XXYLT1: variants seen among roughly 807,000 people sequenced by gnomAD.
The protein encoded by XXYLT1 is UDP-xylose:alpha-xyloside alpha-1,3-xylosyltransferase.
A neutral mutation model predicts 28.9 loss-of-function variants in XXYLT1; 20 were observed. The observed-to-expected ratio is 0.69, with a 90% CI of 0.49 to 1.00. The LOEUF (loss-of-function observed/expected upper bound fraction) is 1.00, where lower values mean the gene tolerates loss of function less well. Ranked by LOEUF, XXYLT1 falls within the 50% of genes least tolerant of loss-of-function variation. The probability of loss-of-function intolerance (pLI) is 0.00; values close to 1 mark genes in which losing one functional copy is unlikely to be tolerated. For synonymous variants in XXYLT1, 257 were observed against 253.8 expected (o/e 1.01, Z -0.12); for missense variants, 542 against 560.1 (o/e 0.97, Z 0.33).
At chr3:195,244,850 CA>C (rs137953417) in intron 1 of XXYLT1, among the ~76,000 whole-genome samples, 20,410 of 93,488 alleles carry the variant, frequency 0.22, 1,856 homozygotes, top group Middle Eastern at 0.35. Context: ...GACTCTGTCT[CA>C]AAAAAAAAAA....
intron 2 of XXYLT1, among the ~76,000 whole-genome samples, chr3:195,186,774 C>A (rs1392107284): frequency 1.3e-5 from 2 of 152,056 alleles, no homozygotes; most frequent in Non-Finnish European, 2.9e-5. Context: ...ACCCCCATGT[C>A]CTTAGCACCT....
At chr3:195,246,172 C>G (rs1725015858) in intron 1 of XXYLT1, among the ~76,000 whole-genome samples, 1 of 152,200 alleles carries the variant, frequency 6.6e-6, no homozygotes, top group South Asian at 2.1e-4. Context: ...TAAACCCCTT[C>G]TCTCTTTCAA....
At chr3:195,249,093 G>A (rs909895976) in intron 1 of XXYLT1, among the ~76,000 whole-genome samples, 1 of 152,214 alleles carries the variant, frequency 6.6e-6, no homozygotes, top group Non-Finnish European at 1.5e-5. Flanking sequence ...AGACGGAATT[G>A]TAGATGCCCT....
intron 3 of XXYLT1, among the ~76,000 whole-genome samples, chr3:195,117,402 T>G (rs1485720114): frequency 6.6e-6 from 1 of 152,248 alleles, no homozygotes; most frequent in Non-Finnish European, 1.5e-5. Flanking sequence ...TGAGGGATTT[T>G]TCTATGAAGT....
chr3:195,260,418 C>T (rs1725654806), intron 1 of XXYLT1, among the ~76,000 whole-genome samples: 1 of 152,200 alleles, frequency 6.6e-6, no homozygotes, highest in Non-Finnish European at 1.5e-5. Flanking sequence ...TGCACCGGAG[C>T]CCCCATCCGG....
At chr3:195,128,562 C>T (rs1056077869) in intron 3 of XXYLT1, among the ~76,000 whole-genome samples, 2 of 152,166 alleles carry the variant, frequency 1.3e-5, no homozygotes, top group African/African-American at 2.4e-5. Flanking sequence ...CCTGCACACC[C>T]CGGGCTCCTG....
At position 195,256,259 on chromosome 3, in the gene XXYLT1, G is replaced by C. The variant is rs75059565; in HGVS notation, c.504+14296C>G. Among the ~76,000 whole-genome samples the C allele has an allele frequency of 5.3e-3, 812 of 152,322 alleles. 8 individuals are homozygous for C. The highest frequency in any genetic ancestry group is 0.019 in the African/African-American group (774 of 41,574). On this transcript the variant is annotated intron_variant, in intron 1 of 3. Transcript: ENST00000310380. The surrounding 1 kb of genome is among the most constrained non-coding windows in gnomAD (Gnocchi z 4.2). Reference sequence around the variant, plus strand: ...CTAGCTACCCCTCACAGGCCTGGCTGCTCCAAGGTTAAATGAGGGAGGAAA... The same window carrying C: ...CTAGCTACCCCTCACAGGCCTGGCTCCTCCAAGGTTAAATGAGGGAGGAAA...
Position 195,076,597 on chromosome 3 carries a change from T to C in XXYLT1, c.786-6486A>G, listed in dbSNP as rs923959518. 6.6e-6 allele frequency among the ~76,000 whole-genome samples: 1 copy of C among 152,126 alleles called. No homozygotes were observed. Among genetic ancestry groups the C allele is most frequent in the Non-Finnish European group, 1.5e-5 (1 of 68,014 alleles). On this transcript the variant is annotated intron_variant, in intron 3 of 3. Coordinates refer to ENST00000310380, the MANE Select transcript of XXYLT1 (RefSeq NM_152531.5). This position sits in a 1 kb window ranked among gnomAD's most constrained non-coding sequence, Gnocchi z 5.3. The stretch of plus-strand genomic sequence containing the variant: ...GCAAAGTACCACCAATGGGGCGGCT[T>C]CAGCAGCAGAAAGGTGCTGCCTCTC...
At chr3:195,142,317 T>C (rs1166315468) in intron 3 of XXYLT1, among the ~76,000 whole-genome samples, 1 of 152,232 alleles carries the variant, frequency 6.6e-6, no homozygotes, top group Non-Finnish European at 1.5e-5. Context: ...TTACTTACTA[T>C]GGTGGGCAGG....
At chr3:195,122,202 A>C (rs1489382208) in intron 3 of XXYLT1, 1 of 702,652 alleles carries the variant, frequency 1.4e-6, no homozygotes, top group Non-Finnish European at 2.6e-6. Context: ...TGATGACCTA[A>C]TCACTCTCCA....
In XXYLT1 at chr3:195,134,875, G is replaced by A. The variant is rs1238102420; in HGVS notation, c.785+21574C>T. Among the ~76,000 whole-genome samples, 10 of 85,824 alleles carry A rather than the reference G, an allele frequency of 1.2e-4. No individual in the cohort carries two copies. The East Asian group carries it at 0.013, about 116-fold the overall frequency. The allele number at this position is 85,824 out of a possible 152,430, so 56.3% of individuals were successfully genotyped here. On this transcript the variant is annotated intron_variant, in intron 3 of 3. Transcript: ENST00000310380. ...TGTGTGTGTGTGTGTGTGTGCGTGT[G>A]CGCGCGTGCGCGCACGTGCAAAGAG... is the stretch of plus-strand genomic sequence containing the variant.
intron 3 of XXYLT1, among the ~76,000 whole-genome samples, chr3:195,114,863 C>A (rs933186248): frequency 1.3e-5 from 2 of 152,262 alleles, no homozygotes; most frequent in Non-Finnish European, 2.9e-5. Context: ...GCTCAGTGGT[C>A]TCCCTGCCGG....
intron 2 of XXYLT1, among the ~76,000 whole-genome samples, chr3:195,204,022 C>T (rs1722960110): frequency 1.3e-5 from 2 of 152,202 alleles, no homozygotes; most frequent in Admixed American, 6.5e-5. Flanking sequence ...TCTAATAGAG[C>T]TTAGAATTCA....
intron 3 of XXYLT1, among the ~76,000 whole-genome samples, chr3:195,116,768 G>A (rs541142956): frequency 2.6e-5 from 4 of 152,300 alleles, no homozygotes; most frequent in South Asian, 2.1e-4. Flanking sequence ...AGGCTGAGAC[G>A]GAAACACACT....
At chr3:195,251,835 T>G (rs1175870444) in intron 1 of XXYLT1, among the ~76,000 whole-genome samples, 2 of 152,180 alleles carry the variant, frequency 1.3e-5, no homozygotes, top group Non-Finnish European at 2.9e-5. Flanking sequence ...ACCAGGGTCC[T>G]GCAAAGCAGA....
intron 3 of XXYLT1, among the ~76,000 whole-genome samples, chr3:195,138,465 G>T (rs6775431): frequency 0.25 from 38,581 of 152,024 alleles, 5,800 homozygotes; most frequent in East Asian, 0.56. Context: ...CAAGCCTGAG[G>T]AGTGAGGGCC....
At chr3:195,188,639 G>A (rs963899242) in intron 2 of XXYLT1, among the ~76,000 whole-genome samples, 2 of 152,156 alleles carry the variant, frequency 1.3e-5, no homozygotes, top group Non-Finnish European at 2.9e-5. Context: ...CTCCTATGAG[G>A]AGCCAAGAAC....
intron 3 of XXYLT1, among the ~76,000 whole-genome samples, chr3:195,120,434 G>A (rs1718298883): frequency 6.6e-6 from 1 of 152,176 alleles, no homozygotes; most frequent in African/African-American, 2.4e-5. Context: ...TTTCTCATCT[G>A]GAAAATGGGA....
chr3:195,217,626 A>C (rs1723632470), intron 2 of XXYLT1, among the ~76,000 whole-genome samples: 1 of 140,876 alleles, frequency 7.1e-6, no homozygotes, highest in Non-Finnish European at 1.5e-5. Flanking sequence ...GGACCTCTTC[A>C]AGGAGAACTA....
Sources: allele counts gnomAD v4.1 joint callset (sites outside exome capture counted in the v4.1 genomes callset), GRCh38; gene constraint gnomAD v4.1.1; non-coding constraint Gnocchi (gnomAD v3.1); transcripts MANE v1.5; gene names NCBI Gene and HGNC (gene_info 2026-07-23, HGNC 2026-07-21).